CDH18: variants seen among roughly 807,000 people sequenced by gnomAD.
CDH18 encodes cadherin 18.
CDH18 carries 31 observed loss-of-function variants against 67.9 expected under a neutral mutation model. That is an observed-to-expected ratio of 0.46 (90% CI 0.34 to 0.62). CDH18 has a LOEUF of 0.62. Among genes scored for constraint, CDH18 ranks in the 20% least tolerant of loss-of-function variants. CDH18 has a pLI of 0.01. For synonymous variants in CDH18, 362 were observed against 347.2 expected (o/e 1.04, Z -0.48); for missense variants, 890 against 975.5 (o/e 0.91, Z 1.17).
At chr5:19,977,298 G>A (rs1277285704) in intron 2 of CDH18, among the ~76,000 whole-genome samples, 9 of 152,130 alleles carry the variant, frequency 5.9e-5, no homozygotes, top group Admixed American at 5.2e-4. Context: ...TGTAATCTCG[G>A]CAAACTGGTG....
intron 5 of CDH18, among the ~76,000 whole-genome samples, chr5:19,618,861 G>A (rs1341832958): frequency 6.6e-6 from 1 of 152,132 alleles, no homozygotes; most frequent in Non-Finnish European, 1.5e-5. Context: ...TGAGTACTAA[G>A]AGATTTCGAT....
rs529883467 is a variant in CDH18 at position 19,509,348 on chromosome 5, A to G, written c.1513-6239T>C. Among the ~76,000 whole-genome samples, 59 of 152,226 alleles carry G rather than the reference A, an allele frequency of 3.9e-4. 1 individual carries two copies. Among genetic ancestry groups the G allele is most frequent in the Middle Eastern group, 3.4e-3 (1 of 294 alleles). On this transcript the variant is annotated intron_variant, in intron 10 of 12. Coordinates refer to ENST00000382275, the MANE Select transcript of CDH18 (RefSeq NM_004934.5). ...AAATAACCTGTTGGGCACAATGTTC[A>G]CTATTTGAGTAATGCATACACTACA...
chr5:19,483,397 G>A lies in CDH18; in HGVS notation c.1786C>T (p.Arg596Cys), dbSNP rs748451804. 13 of 1,613,888 alleles carry A rather than the reference G, an allele frequency of 8.1e-6. No homozygotes were observed. The highest frequency in any genetic ancestry group is 1.1e-5 in the South Asian group (1 of 91,056). ...GCTTCTGCATGGCAGGTCCGCACAC[G>A]CCCATCTCTCTCGCATGCACAAACC... ...IRVCACERDG[R>C]VRTCHAEAFL... Residue 596 changes from arginine (R) to cysteine (C), a missense_variant, in exon 12 of 13, where the codon CGT becomes TGT. Coordinates refer to ENST00000382275, the MANE Select transcript of CDH18 (RefSeq NM_004934.5).
chr5:19,660,164 A>C (rs1756965179), intron 5 of CDH18, among the ~76,000 whole-genome samples: 1 of 152,138 alleles, frequency 6.6e-6, no homozygotes, highest in African/African-American at 2.4e-5. Flanking sequence ...TGCAACTAAA[A>C]TAATTTTTGC....
intron 3 of CDH18, among the ~76,000 whole-genome samples, chr5:19,777,311 CAA>C (rs1439258252): frequency 2.0e-5 from 3 of 152,082 alleles, no homozygotes; most frequent in Admixed American, 1.3e-4. Context: ...AATGCAAATA[CAA>C]AGCAAAGACA....
rs79850613 is a variant in CDH18, at chr5:20,561,306, A to G, written c.-580+14156T>C. Among the ~76,000 whole-genome samples the G allele has an allele frequency of 2.6e-3, 393 of 152,236 alleles. 13 individuals carry two copies. The East Asian group carries it at 0.067, about 26-fold the overall frequency. On this transcript the variant is annotated intron_variant, in intron 1 of 14. Transcript: ENST00000507958. Reference sequence around the variant, plus strand: ...CATACACACAAAACACTGCACATGGATGTTTATAGCAATATTATTCATAAT... The same window carrying G: ...CATACACACAAAACACTGCACATGGGTGTTTATAGCAATATTATTCATAAT...
chr5:19,841,571 CAAA>C (rs35296920), intron 2 of CDH18, among the ~76,000 whole-genome samples: 1 of 137,056 alleles, frequency 7.3e-6, no homozygotes, highest in African/African-American at 2.7e-5. Flanking sequence ...TCATGAATTT[CAAA>C]AAAAAAAAAA....
At chr5:19,735,541 G>A (rs1438356508) in intron 4 of CDH18, among the ~76,000 whole-genome samples, 10 of 151,842 alleles carry the variant, frequency 6.6e-5, no homozygotes, top group South Asian at 2.1e-4. Flanking sequence ...GACCACAGGC[G>A]CCCACCACCA....
At chr5:20,022,774 C>A (rs543854416) in intron 2 of CDH18, among the ~76,000 whole-genome samples, 1 of 152,226 alleles carries the variant, frequency 6.6e-6, no homozygotes, top group African/African-American at 2.4e-5. Context: ...TAATGTGAGA[C>A]AATTCTATGC....
At chr5:20,172,184 T>TTGTG (rs199661795) in intron 2 of CDH18, among the ~76,000 whole-genome samples, 1,438 of 25,800 alleles carry the variant, frequency 0.056, 72 homozygotes, top group South Asian at 0.095. Flanking sequence ...ATCAATAGCA[T>TTGTG]TGTGTGTATA....
intron 2 of CDH18, among the ~76,000 whole-genome samples, chr5:20,226,803 T>A (rs944853876): frequency 1.3e-5 from 2 of 152,006 alleles, no homozygotes; most frequent in Admixed American, 1.3e-4. Context: ...TATAAACTGT[T>A]TAAGTGTCAG....
intron 1 of CDH18, among the ~76,000 whole-genome samples, chr5:20,350,174 TTC>T (rs1372621583): frequency 2.6e-5 from 4 of 152,204 alleles, no homozygotes; most frequent in African/African-American, 4.8e-5. Flanking sequence ...ACAAAAAAAT[TTC>T]TTTTTGTTTT....
intron 5 of CDH18, among the ~76,000 whole-genome samples, 195 bp downstream of exon 5, chr5:19,721,152 T>C (rs10941430): frequency 0.9 from 136,414 of 152,222 alleles, 62,842 homozygotes; most frequent in East Asian, 1. Flanking sequence ...ATCAACATAA[T>C]AGGGAAAGCA....
rs774537847 is a variant in CDH18, at chr5:19,473,664, G to T, written c.1935C>A (p.Ile645=). 2 of 1,613,580 alleles carry T rather than the reference G, an allele frequency of 1.2e-6. No homozygotes were observed. The highest frequency in any genetic ancestry group is 2.2e-5 in the East Asian group (1 of 44,864). ...TCTCCCGTACATCCTCTTCTGAAAT[G>T]ATCAAGGGCTCTTTTTTGCTGCGCC... The part of the protein sequence containing the change: ...TLRRSKKEPL[I]ISEEDVRENV... Residue 645 remains isoleucine, a synonymous_variant, in exon 13 of 13, where the codon ATC becomes ATA. Coordinates refer to ENST00000382275, the MANE Select transcript of CDH18 (RefSeq NM_004934.5).
intron 1 of CDH18, among the ~76,000 whole-genome samples, chr5:20,570,039 C>G (rs1758720250): frequency 6.6e-6 from 1 of 152,108 alleles, no homozygotes. Flanking sequence ...GAAGGCATGA[C>G]TAGGTGGTGC....
intron 2 of CDH18, among the ~76,000 whole-genome samples, chr5:20,157,545 A>G (rs1241474825): frequency 6.6e-6 from 1 of 152,132 alleles, no homozygotes; most frequent in African/African-American, 2.4e-5. Context: ...TAGGGTTTCC[A>G]TCACTCAAAT....
chr5:19,503,358 AT>A (rs371538309), intron 10 of CDH18, among the ~76,000 whole-genome samples: 1,756 of 150,644 alleles, frequency 0.012, 17 homozygotes, highest in South Asian at 0.031. Flanking sequence ...AAACGCATTG[AT>A]TTTTTTTTTC....
At chr5:19,647,608 C>T (rs1409433228) in intron 5 of CDH18, among the ~76,000 whole-genome samples, 4 of 132,628 alleles carry the variant, frequency 3.0e-5, no homozygotes, top group African/African-American at 5.6e-5. Context: ...CACATAGAGA[C>T]ATAGAGGCAA....
intron 2 of CDH18, among the ~76,000 whole-genome samples, chr5:20,222,100 C>T (rs990316701): frequency 6.6e-6 from 1 of 152,088 alleles, no homozygotes; most frequent in African/African-American, 2.4e-5. Flanking sequence ...TTATAAACTG[C>T]ACTCCTCATG....
Sources: gnomAD v4.1 joint callset for allele counts (sites outside exome capture counted in the v4.1 genomes callset) on GRCh38, gnomAD v4.1.1 for gene constraint, MANE v1.5 for transcripts, NCBI Gene and HGNC (gene_info 2026-07-23, HGNC 2026-07-21) for gene names.